WDR90: variants seen among roughly 807,000 people sequenced by gnomAD.
WDR90 encodes WD repeat-containing protein 90.
In WDR90, 238 loss-of-function variants were observed where a neutral mutation model predicts 195.2. The ratio of observed to expected loss-of-function variants is 1.22; its 90% confidence interval spans 1.10 to 1.36. The LOEUF (loss-of-function observed/expected upper bound fraction) is 1.36. Among genes scored for constraint, WDR90 ranks in the 40% most tolerant of loss-of-function variants. The probability of loss-of-function intolerance (pLI) is 0.00; values close to 1 mark genes in which losing one functional copy is unlikely to be tolerated. For synonymous variants in WDR90, 1,265 were observed against 1,052.4 expected, an observed-to-expected ratio of 1.20 and a Z score of -3.91; for missense variants, 2,734 against 2,439.5, an observed-to-expected ratio of 1.12 and a Z score of -2.54.
At chr16:654,917 T>C (rs978654269) in intron 13 of WDR90, 112 bp from the exon 14 acceptor site, 32 of 955,358 alleles carry the variant, frequency 3.3e-5, no homozygotes, top group Middle Eastern at 5.6e-4. Context: ...GCTCAGAGGC[T>C]GGTCTCCGCA....
At position 655,797 on chromosome 16, in the gene WDR90, T is replaced by G; in HGVS notation, c.1874T>G (p.Leu625Arg). 6.3e-7 allele frequency: 1 copy of G among 1,590,508 alleles called. No individual in the cohort carries two copies. Among genetic ancestry groups the G allele is most frequent in the Non-Finnish European group, 8.5e-7 (1 of 1,169,790 alleles). Residue 625 changes from leucine to arginine, a missense_variant, in exon 17 of 41, where the codon CTC becomes CGC. Coordinates refer to ENST00000293879, the MANE Select transcript of WDR90 (RefSeq NM_145294.5). ...SSGPGIAISS[L>R]SVSPAMCAVG... is the part of the protein sequence containing the mutation. ...GGCCCCGGCATTGCCATCAGCAGCC[T>G]CAGCGTCTCCCCGGCCATGTGTGCT...
chr16:660,497 TG>T, intron 27 of WDR90, 114 bp from the exon 28 acceptor site: 1 of 1,079,930 alleles, frequency 9.3e-7, no homozygotes, highest in South Asian at 1.4e-5. Flanking sequence ...CGTCTGCCCC[TG>T]GGTGTCCTCT....
chr16:655,496 GC>G, intron 15 of WDR90, 28 bp downstream of exon 15: 1 of 1,531,674 alleles, frequency 6.5e-7, no homozygotes, highest in Non-Finnish European at 8.8e-7. Context: ...CCCACGGCCT[GC>G]CCCGGCATGG....
intron 28 of WDR90, 40 bp downstream of exon 28, chr16:660,754 C>T (rs979594462): frequency 2.0e-5 from 31 of 1,523,512 alleles, no homozygotes; most frequent in Admixed American, 1.6e-4. Context: ...AGCCAAGATG[C>T]GGCCGCGCGT....
chr16:657,254 C>T (rs2037778720), intron 20 of WDR90, 33 bp downstream of exon 20: 1 of 1,515,552 alleles, frequency 6.6e-7, no homozygotes, highest in African/African-American at 1.4e-5. Context: ...TGGGGGACTC[C>T]TCAGGGCGGG....
intron 23 of WDR90, 91 bp downstream of exon 23, chr16:658,744 G>A: frequency 6.4e-7 from 1 of 1,562,054 alleles, no homozygotes; most frequent in Non-Finnish European, 8.7e-7. Flanking sequence ...GGGGCAGGGA[G>A]AGCAGAAGGT....
chr16:666,738 C>G lies in WDR90; in HGVS notation c.4950C>G (p.Tyr1650Ter). ...CTTGGGATGGGGCGCTCCTGATGTACGTGGGCCCCGGTGTTTACAAGGAGG... is the reference window on the plus strand; with the variant it reads ...CTTGGGATGGGGCGCTCCTGATGTAGGTGGGCCCCGGTGTTTACAAGGAGG... ...FCPWDGALLMYVGPGVYKEVI... is the reference protein window; with the variant it reads ...FCPWDGALLM The change falls in exon 39 of 41, where the codon TAC becomes TAG. Residue 1650 changes from tyrosine to a stop codon, truncating the protein, a stop_gained. Coordinates refer to ENST00000293879, the MANE Select transcript of WDR90 (RefSeq NM_145294.5). LOFTEE classifies it high-confidence loss of function. 2 of 1,612,822 alleles carry G rather than the reference C, an allele frequency of 1.2e-6. No individual in the cohort carries two copies. Among genetic ancestry groups the G allele is most frequent in the Non-Finnish European group, 1.7e-6 (2 of 1,179,960 alleles).
In WDR90 at chr16:651,119, T is replaced by G. The variant is rs192978918; in HGVS notation, c.668+16T>G. On this transcript the variant is annotated intron_variant, in intron 6 of 40. Coordinates refer to ENST00000293879, the MANE Select transcript of WDR90 (RefSeq NM_145294.5). ...TCCACGTCCGGTGAGTGGTTCTGCT[T>G]CTTTCGAGGGAGGCCTCGGTGGTGG... 4 of 1,608,610 alleles carry G rather than the reference T, an allele frequency of 2.5e-6. No homozygotes were observed. Among genetic ancestry groups the G allele is most frequent in the East Asian group, 2.2e-5 (1 of 44,808 alleles).
rs200312738 is a variant in WDR90 at position 655,125 on chromosome 16, G to C, written c.1534G>C (p.Val512Leu). The change falls in exon 14 of 41, where the codon GTC becomes CTC. Residue 512 changes from valine (V) to leucine (L), a missense_variant. Coordinates refer to ENST00000293879, the MANE Select transcript of WDR90 (RefSeq NM_145294.5). ...HTDFDVQAFR[V>L]TFFDETRMAS... The stretch of plus-strand genomic sequence containing the variant: ...TGACTTTGACGTCCAGGCCTTCCGG[G>C]TCACCTTTTTTGATGAAACCAGGTG... 9.2e-5 allele frequency: 148 copies of C among 1,612,808 alleles called. No homozygotes were observed. The African/African-American group carries it at 1.6e-3, about 18-fold the overall frequency.
intron 34 of WDR90, chr16:663,682 A>T (rs546809948): frequency 1.8e-5 from 2 of 111,910 alleles, no homozygotes; most frequent in African/African-American, 1.1e-4. Flanking sequence ...GTCTCCAAGA[A>T]GTACACAGCA....
intron 28 of WDR90, 43 bp from the exon 29 acceptor site, chr16:661,008 C>CCCCA (rs2037894468): frequency 7.6e-6 from 1 of 132,346 alleles, no homozygotes. Flanking sequence ...CCGCCCCCCC[C>CCCCA]CCCCCCCGGC....
intron 34 of WDR90, chr16:663,660 TGCTGGAGCTGCGTCTCCAA>T (rs1386681017): frequency 6.6e-6 from 1 of 151,932 alleles, no homozygotes; most frequent in African/African-American, 2.5e-5. Context: ...AGCCTCCTGG[TGCTGGAGCTGCGTCTCCAA>T]GAAGTACACA....
At chr16:666,377 A>T (rs570965205) in intron 37 of WDR90, 27 bp downstream of exon 37, 4 of 1,611,422 alleles carry the variant, frequency 2.5e-6, no homozygotes, top group Non-Finnish European at 3.4e-6. Flanking sequence ...AGCTGGGGAG[A>T]GGGGGCCTGG....
At chr16:660,992 C>CCGCCCGG (rs1567220596) in intron 28 of WDR90, 59 bp from the exon 29 acceptor site, 1 of 91,852 alleles carries the variant, frequency 1.1e-5, no homozygotes, top group African/African-American at 2.5e-4. Flanking sequence ...CTCCCCAGGC[C>CCGCCCGG]CCTCCCCGCC....
At position 658,283 on chromosome 16, in the gene WDR90, T is replaced by C. The variant is rs1367183436; in HGVS notation, c.2705T>C (p.Val902Ala). The C allele has an allele frequency of 1.9e-6, 3 of 1,612,508 alleles. No homozygotes were observed. Among genetic ancestry groups the C allele is most frequent in the South Asian group, 1.1e-5 (1 of 91,090 alleles). ...CCTGCAGCTCTGGGCCACCTGCTGG[T>C]GTCCACCTCGTCCAACAGAGTCGTG... ...FGPAALGHLL[V>A]STSSNRVVVL... The change falls in exon 22 of 41, where the codon GTG becomes GCG. Residue 902 changes from valine to alanine, a missense_variant. Transcript: ENST00000293879.
In WDR90 at chr16:651,683, T is replaced by C; in HGVS notation, c.776T>C (p.Val259Ala). Residue 259 changes from valine (V) to alanine (A), a missense_variant, in exon 8 of 41, where the codon GTG becomes GCG. Coordinates refer to ENST00000293879, the MANE Select transcript of WDR90 (RefSeq NM_145294.5). Reference sequence around the variant, plus strand: ...GGGCCACAGCCTCTCCCTTGCCCGGTGGCCTCCAGCAAACCTGTGCGGTTC... The same window carrying C: ...GGGCCACAGCCTCTCCCTTGCCCGGCGGCCTCCAGCAAACCTGTGCGGTTC... ...GPGPQPLPCP[V>A]ASSKPVRFSV... 1.2e-6 allele frequency: 2 copies of C among 1,613,008 alleles called. No individual in the cohort carries two copies. Among genetic ancestry groups the C allele is most frequent in the Non-Finnish European group, 8.5e-7 (1 of 1,179,998 alleles).
At chr16:663,024 G>A (rs761463535) in intron 34 of WDR90, 180 bp downstream of exon 34, 207 of 939,362 alleles carry the variant, frequency 2.2e-4, no homozygotes, top group Non-Finnish European at 3.1e-4. Flanking sequence ...AAGCCGTCCC[G>A]GTTGTGTCTG....
At position 662,254 on chromosome 16, in the gene WDR90, C is replaced by T. The variant is rs372455627; in HGVS notation, c.4068C>T (p.Ser1356=). 4.9e-5 allele frequency: 77 copies of T among 1,583,240 alleles called. No individual in the cohort carries two copies. In the African/African-American group the frequency reaches 5.1e-4, roughly 10 times the overall value. The change falls in exon 33 of 41, where the codon AGC becomes AGT. Residue 1356 remains serine (S), a synonymous_variant. Coordinates refer to ENST00000293879, the MANE Select transcript of WDR90 (RefSeq NM_145294.5). ...LLLFSGSRLV[S]GSSTGRLRLW... is the part of the protein sequence containing the mutation. ...TGTTCTCGGGTTCTCGATTGGTCAGCGGCAGCAGCACGGGGCGGCTGCGCC... is the reference window on the plus strand; with the variant it reads ...TGTTCTCGGGTTCTCGATTGGTCAGTGGCAGCAGCACGGGGCGGCTGCGCC...
chr16:652,171 C>G, intron 9 of WDR90, 132 bp downstream of exon 9: 43 of 1,161,026 alleles, frequency 3.7e-5, no homozygotes, highest in Non-Finnish European at 5.2e-5. Flanking sequence ...TGGCAAGGAG[C>G]AGAGCTGGCG....
Sources: gnomAD v4.1 joint callset for allele counts on GRCh38, gnomAD v4.1.1 for gene constraint, MANE v1.5 for transcripts, NCBI Gene and HGNC (gene_info 2026-07-23, HGNC 2026-07-21) for gene names.